RFTN1: variants seen among roughly 807,000 people sequenced by gnomAD.
RFTN1 encodes raftlin, lipid raft linker 1, also known as raftlin.
In RFTN1, 26 loss-of-function variants were observed where a neutral mutation model predicts 46.5. The ratio of observed to expected loss-of-function variants is 0.56; its 90% CI spans 0.41 to 0.78. The LOEUF is 0.78. Among genes scored for constraint, RFTN1 ranks in the 30% least tolerant of loss-of-function variants. The pLI, the probability that RFTN1 is intolerant of heterozygous loss-of-function variation, is 0.00. For missense variants in RFTN1, 693 were observed against 718.7 expected, an observed-to-expected ratio of 0.96 and a Z score of 0.41; for synonymous variants, 261 against 284.2, an observed-to-expected ratio of 0.92 and a Z score of 0.82.
intron 4 of RFTN1, among the ~76,000 whole-genome samples, chr3:16,394,340 C>T (rs2074420146): frequency 6.6e-6 from 1 of 152,154 alleles, no homozygotes; most frequent in African/African-American, 2.4e-5. Flanking sequence ...TGCACCACTG[C>T]ACTCTAGCTT....
At position 16,428,410 on chromosome 3, in the gene RFTN1, G is replaced by A. The variant is rs2075324459; in HGVS notation, c.332+5441C>T. On this transcript the variant is annotated intron_variant, in intron 3 of 9. Transcript: ENST00000334133. The surrounding 1 kb of genome is among the most constrained non-coding windows in gnomAD (Gnocchi z 4.7). Reference sequence around the variant, plus strand: ...GGAAGACATGCATTGGTCAGGTAGAGAGATGCCACAGTATTACATTTTATA... The same window carrying A: ...GGAAGACATGCATTGGTCAGGTAGAAAGATGCCACAGTATTACATTTTATA... 6.6e-6 allele frequency among the ~76,000 whole-genome samples: 1 copy of A among 152,250 alleles called. No homozygotes were observed. The highest frequency in any genetic ancestry group is 1.5e-5 in the Non-Finnish European group (1 of 68,038).
chr3:16,447,760 C>T lies in RFTN1; in HGVS notation c.146-13723G>A, dbSNP rs192124271. On this transcript the variant is annotated intron_variant, in intron 2 of 9. Coordinates refer to ENST00000334133, the MANE Select transcript of RFTN1 (RefSeq NM_015150.2). This position sits in a 1 kb window ranked among gnomAD's most constrained non-coding sequence, Gnocchi z 5.9. The stretch of plus-strand genomic sequence containing the variant: ...TCTAATTACACCCAGAAGAAAAATA[C>T]GATCTATCCACCGTTGGCACAAGAA... 1.4e-3 allele frequency among the ~76,000 whole-genome samples: 210 copies of T among 152,262 alleles called. No individual in the cohort carries two copies. The highest frequency in any genetic ancestry group is 4.6e-3 in the African/African-American group (191 of 41,560).
chr3:16,373,826 A>G (rs571438704), intron 5 of RFTN1, among the ~76,000 whole-genome samples: 1 of 152,210 alleles, frequency 6.6e-6, no homozygotes, highest in African/African-American at 2.4e-5. Flanking sequence ...GGAACTAAGC[A>G]GAAAGGTTTG....
chr3:16,424,630 G>A lies in RFTN1; in HGVS notation c.332+9221C>T, dbSNP rs2125476141. ...GTCGATGATAGGAAGTGAATGAAAT[G>A]ATGTATTCATATTTATAGCATATTT... On this transcript the variant is annotated intron_variant, in intron 3 of 9. Transcript: ENST00000334133. The surrounding 1 kb of genome is among the most constrained non-coding windows in gnomAD (Gnocchi z 4.7). 6.6e-6 allele frequency among the ~76,000 whole-genome samples: 1 copy of A among 152,220 alleles called. No individual in the cohort carries two copies. The highest frequency in any genetic ancestry group is 2.1e-4 in the South Asian group (1 of 4,812).
At chr3:16,405,831 C>A (rs2074843853) in intron 4 of RFTN1, among the ~76,000 whole-genome samples, 1 of 152,084 alleles carries the variant, frequency 6.6e-6, no homozygotes, top group Non-Finnish European at 1.5e-5. Context: ...AGTTAATTAC[C>A]ATCTCATCCT....
rs1211921032 is a variant in RFTN1, at chr3:16,418,075, C to A, written c.333-8592G>T. The stretch of plus-strand genomic sequence containing the variant: ...GGTGGGACCTAACCCTTTCCTAAGA[C>A]ATTAAAATAGCATTGTTGTAACAAG... On this transcript the variant is annotated intron_variant, in intron 3 of 9. Transcript: ENST00000334133. This position sits in a 1 kb window ranked among gnomAD's most constrained non-coding sequence, Gnocchi z 5.0. Among the ~76,000 whole-genome samples, 2 of 152,144 alleles carry A rather than the reference C, an allele frequency of 1.3e-5. No homozygotes were observed. Among genetic ancestry groups the A allele is most frequent in the Admixed American group, 6.5e-5 (1 of 15,276 alleles).
intron 2 of RFTN1, among the ~76,000 whole-genome samples, chr3:16,471,370 A>G (rs1488913843): frequency 1.3e-5 from 2 of 152,174 alleles, no homozygotes; most frequent in African/African-American, 4.8e-5. Context: ...CATGACAGAG[A>G]AGCTTTCTTC....
intron 6 of RFTN1, among the ~76,000 whole-genome samples, chr3:16,364,047 C>T (rs2073000094): frequency 6.6e-6 from 1 of 152,256 alleles, no homozygotes; most frequent in Admixed American, 6.5e-5. Flanking sequence ...CTGCTGCCTT[C>T]TCTTGCTTCT....
rs1225774823 is a variant in RFTN1, at chr3:16,341,572, A to G, written c.1147-14696T>C. The stretch of plus-strand genomic sequence containing the variant: ...TACATACTGTATGGGAACTCTGTAG[A>G]TTCAGTTCAGTTTTGCTATGAACCT... On this transcript the variant is annotated intron_variant, in intron 7 of 9. Transcript: ENST00000334133. The surrounding 1 kb of genome is among the most constrained non-coding windows in gnomAD (Gnocchi z 4.7). Among the ~76,000 whole-genome samples, 1 of 152,196 alleles carries G rather than the reference A, an allele frequency of 6.6e-6. No individual in the cohort carries two copies. The highest frequency in any genetic ancestry group is 2.4e-5 in the African/African-American group (1 of 41,450).
intron 7 of RFTN1, among the ~76,000 whole-genome samples, chr3:16,328,174 A>G (rs1227818803): frequency 6.6e-6 from 1 of 152,242 alleles, no homozygotes; most frequent in South Asian, 2.1e-4. Context: ...TGGCAGGGCC[A>G]TGGGACTTTG....
At chr3:16,434,308 G>C (rs2075454092) in intron 2 of RFTN1, among the ~76,000 whole-genome samples, 1 of 152,088 alleles carries the variant, frequency 6.6e-6, no homozygotes, top group Non-Finnish European at 1.5e-5. Context: ...TGGATCGCTT[G>C]AGCCGAGAAG....
intron 2 of RFTN1, among the ~76,000 whole-genome samples, chr3:16,488,458 A>T (rs2076487349): frequency 6.6e-6 from 1 of 152,202 alleles, no homozygotes; most frequent in Non-Finnish European, 1.5e-5. Context: ...TCAGGTGGAC[A>T]TGGGCCAATA....
intron 7 of RFTN1, among the ~76,000 whole-genome samples, chr3:16,354,943 A>G (rs2072336763): frequency 6.6e-6 from 1 of 152,216 alleles, no homozygotes; most frequent in Non-Finnish European, 1.5e-5. Flanking sequence ...GTTCTTTGCC[A>G]CTTTATAATA....
chr3:16,359,047 A>AAAG (rs1483156528), intron 6 of RFTN1, among the ~76,000 whole-genome samples: 2 of 151,122 alleles, frequency 1.3e-5, no homozygotes, highest in African/African-American at 2.4e-5. Flanking sequence ...AAAAAAAAAA[A>AAAG]AAAAAGAAAT....
At chr3:16,369,029 A>G (rs79052946) in intron 6 of RFTN1, among the ~76,000 whole-genome samples, 3,456 of 152,352 alleles carry the variant, frequency 0.023, 132 homozygotes, top group African/African-American at 0.079. Flanking sequence ...GCCTGCTGCT[A>G]CTATGATAAC....
intron 4 of RFTN1, among the ~76,000 whole-genome samples, chr3:16,379,354 A>C (rs1244413264): frequency 6.6e-6 from 1 of 152,256 alleles, no homozygotes; most frequent in Non-Finnish European, 1.5e-5. Flanking sequence ...GCTAGACATA[A>C]AATAAGAATA....
In RFTN1 at chr3:16,480,432, A is replaced by G. The variant is rs61108746; in HGVS notation, c.145+13293T>C. On this transcript the variant is annotated intron_variant, in intron 2 of 9. Transcript: ENST00000334133. This position sits in a 1 kb window ranked among gnomAD's most constrained non-coding sequence, Gnocchi z 4.3. Reference sequence around the variant, plus strand: ...TATGTTTATGCAACAGAATAGAAAAACATCTCAGTGGCTGCTAAGTGTAGC... The same window carrying G: ...TATGTTTATGCAACAGAATAGAAAAGCATCTCAGTGGCTGCTAAGTGTAGC... 4.9e-3 allele frequency among the ~76,000 whole-genome samples: 745 copies of G among 152,270 alleles called. 7 individuals carry two copies. Among genetic ancestry groups the G allele is most frequent in the African/African-American group, 0.017 (692 of 41,538 alleles).
chr3:16,503,604 C>T (rs2076750104), intron 1 of RFTN1, among the ~76,000 whole-genome samples: 1 of 152,148 alleles, frequency 6.6e-6, no homozygotes, highest in African/African-American at 2.4e-5. Flanking sequence ...TCAGCAGGGC[C>T]CAGGATCTCT....
chr3:16,444,303 A>G (rs1210107926), intron 2 of RFTN1, among the ~76,000 whole-genome samples: 1 of 152,270 alleles, frequency 6.6e-6, no homozygotes, highest in Non-Finnish European at 1.5e-5. Context: ...CAAACAATAT[A>G]AAAATTAAAC....
Sources: allele counts gnomAD v4.1 joint callset (sites outside exome capture counted in the v4.1 genomes callset), GRCh38; gene constraint gnomAD v4.1.1; non-coding constraint Gnocchi (gnomAD v3.1); transcripts MANE v1.5; gene names NCBI Gene and HGNC (gene_info 2026-07-23, HGNC 2026-07-21).